Variants in CNTN4 observed in about 807,000 individuals in gnomAD.
The protein encoded by CNTN4 is contactin 4, also known as contactin-4.
Under a neutral mutation model 122.5 loss-of-function variants are expected in CNTN4, and 77 were observed. The ratio of observed to expected loss-of-function variants is 0.63; its 90% confidence interval spans 0.52 to 0.76. The LOEUF (loss-of-function observed/expected upper bound fraction) is 0.76. CNTN4 is among the 30% of genes least tolerant of loss of function. The pLI is 0.00. For synonymous variants in CNTN4, 512 were observed against 447.0 expected (o/e 1.15, Z -1.83); for missense variants, 1,256 against 1,259.1 (o/e 1.00, Z 0.04).
At chr3:2,147,699 C>T (rs1001857544) in intron 2 of CNTN4, among the ~76,000 whole-genome samples, 1 of 152,164 alleles carries the variant, frequency 6.6e-6, no homozygotes, top group Non-Finnish European at 1.5e-5. Context: ...GTCACAGGCT[C>T]CTCAGCCTGA....
At chr3:2,366,609 C>T (rs2045388317) in intron 3 of CNTN4, among the ~76,000 whole-genome samples, 1 of 151,952 alleles carries the variant, frequency 6.6e-6, no homozygotes, top group Non-Finnish European at 1.5e-5. Flanking sequence ...CGCCTGTAGT[C>T]CCAGCTACTC....
intron 4 of CNTN4, among the ~76,000 whole-genome samples, chr3:2,727,752 C>T (rs1576586399): frequency 6.6e-6 from 1 of 152,162 alleles, no homozygotes; most frequent in Non-Finnish European, 1.5e-5. Flanking sequence ...AACAAGAGAA[C>T]AAAGAAATCG....
Position 2,883,182 on chromosome 3 carries a change from G to C in CNTN4, c.690G>C (p.Gln230His). 1 of 1,613,862 alleles carries C rather than the reference G, an allele frequency of 6.2e-7. No homozygotes were observed. The highest frequency in any genetic ancestry group is 1.1e-5 in the South Asian group (1 of 91,050). ...MGEYEPKIEVQFPETVPTAKG... is the reference protein window; with the variant it reads ...MGEYEPKIEVHFPETVPTAKG... ...AATATGAGCCCAAAATAGAAGTGCA[G>C]TTCCCAGAAACAGTTCCGACTGCAA... is the stretch of plus-strand genomic sequence containing the variant. Residue 230 changes from glutamine to histidine, a missense_variant, in exon 9 of 25, where the codon CAG becomes CAC. Transcript: ENST00000418658.
At chr3:2,456,125 T>C (rs1261342552) in intron 3 of CNTN4, among the ~76,000 whole-genome samples, 2 of 151,990 alleles carry the variant, frequency 1.3e-5, no homozygotes, top group Non-Finnish European at 2.9e-5. Context: ...TAAGAGCAGG[T>C]AGAGCTGGGA....
intron 4 of CNTN4, among the ~76,000 whole-genome samples, chr3:2,620,839 T>G (rs571096982): frequency 6.6e-6 from 1 of 152,334 alleles, no homozygotes; most frequent in Non-Finnish European, 1.5e-5. Context: ...CCAGAATGCC[T>G]GTGTTAAAAA....
chr3:2,951,710 G>T (rs1331313891), intron 13 of CNTN4, among the ~76,000 whole-genome samples: 5 of 152,148 alleles, frequency 3.3e-5, no homozygotes, highest in Non-Finnish European at 7.3e-5. Context: ...GAAAAACAAA[G>T]GTGGCTCATC....
chr3:3,042,813 A>T lies in CNTN4; in HGVS notation c.2512-164A>T, dbSNP rs150781435. 1.9e-4 allele frequency: 125 copies of T among 655,538 alleles called. 1 individual carries two copies. The African/African-American group carries it at 2.0e-3, about 11-fold the overall frequency. The allele number at this position is 655,538 out of a possible 1,614,324, so 40.6% of individuals were successfully genotyped here. A position where few individuals can be genotyped will look rare whatever the true frequency, so the allele number is the denominator to read the frequency against. ...AAAAAAGGGACCCTTCTTACTTTGG[A>T]TAATTTCTCAGGATATACAGAGTCC... On this transcript the variant is annotated intron_variant, in intron 21 of 24. Transcript: ENST00000418658.
chr3:2,483,629 C>A (rs1340922764), intron 3 of CNTN4, among the ~76,000 whole-genome samples: 1 of 152,078 alleles, frequency 6.6e-6, no homozygotes, highest in Non-Finnish European at 1.5e-5. Context: ...GGGGCCATTT[C>A]CCCAATGCTG....
chr3:2,364,009 G>A (rs545605149), intron 3 of CNTN4, among the ~76,000 whole-genome samples: 5 of 152,056 alleles, frequency 3.3e-5, no homozygotes, highest in South Asian at 4.2e-4. Context: ...AACAGACTAG[G>A]CAACTTTATG....
intron 3 of CNTN4, among the ~76,000 whole-genome samples, chr3:2,564,962 T>C (rs953530659): frequency 5.3e-5 from 8 of 152,304 alleles, no homozygotes; most frequent in African/African-American, 1.9e-4. Context: ...AGAGGATTTC[T>C]GCCTAATGTA....
chr3:2,988,595 T>A, intron 14 of CNTN4, 123 bp downstream of exon 14: 1 of 987,188 alleles, frequency 1.0e-6, no homozygotes, highest in Non-Finnish European at 1.6e-6. Flanking sequence ...CTAAATTAAT[T>A]CATCACGGCA....
intron 3 of CNTN4, among the ~76,000 whole-genome samples, chr3:2,407,169 C>A (rs1408452118): frequency 6.6e-6 from 1 of 151,954 alleles, no homozygotes; most frequent in Non-Finnish European, 1.5e-5. Context: ...TTGAAAGTGG[C>A]AGGAATAAAT....
chr3:2,673,278 A>G (rs2084642943), intron 4 of CNTN4, among the ~76,000 whole-genome samples: 1 of 152,146 alleles, frequency 6.6e-6, no homozygotes, highest in Non-Finnish European at 1.5e-5. Flanking sequence ...GGCTATGTAC[A>G]GTCGATTTAT....
chr3:2,861,506 C>T (rs1002438744), intron 7 of CNTN4, among the ~76,000 whole-genome samples: 1 of 152,162 alleles, frequency 6.6e-6, no homozygotes, highest in Non-Finnish European at 1.5e-5. Flanking sequence ...CATTTAAATT[C>T]AACCTCACAA....
At chr3:2,636,719 T>A (rs1559332753) in intron 4 of CNTN4, among the ~76,000 whole-genome samples, 1 of 152,086 alleles carries the variant, frequency 6.6e-6, no homozygotes, top group Non-Finnish European at 1.5e-5. Flanking sequence ...GTAGATAAAT[T>A]TTTATAAGCA....
intron 7 of CNTN4, among the ~76,000 whole-genome samples, chr3:2,836,603 A>G (rs1164867340): frequency 6.6e-6 from 1 of 152,178 alleles, no homozygotes; most frequent in Non-Finnish European, 1.5e-5. Flanking sequence ...TCATGAAAAA[A>G]CACTTTAGGA....
At chr3:2,503,867 C>G (rs893503159) in intron 3 of CNTN4, among the ~76,000 whole-genome samples, 3 of 151,954 alleles carry the variant, frequency 2.0e-5, no homozygotes, top group African/African-American at 7.3e-5. Context: ...GTTGGGAGGA[C>G]TCTGTAAGAA....
At chr3:2,540,132 T>C (rs1575910582) in intron 3 of CNTN4, among the ~76,000 whole-genome samples, 1 of 151,936 alleles carries the variant, frequency 6.6e-6, no homozygotes, top group Non-Finnish European at 1.5e-5. Context: ...TAATAGGTGA[T>C]ATAAAAAATT....
intron 4 of CNTN4, among the ~76,000 whole-genome samples, chr3:2,690,100 C>A (rs2149181098): frequency 6.6e-6 from 1 of 152,260 alleles, no homozygotes; most frequent in Non-Finnish European, 1.5e-5. Flanking sequence ...TCTTTATAAT[C>A]TCCAATTCCT....
Sources: gnomAD v4.1 joint callset for allele counts (sites outside exome capture counted in the v4.1 genomes callset) on GRCh38, gnomAD v4.1.1 for gene constraint, MANE v1.5 for transcripts, NCBI Gene and HGNC (gene_info 2026-07-23, HGNC 2026-07-21) for gene names.